Variants in YAP1 observed in about 807,000 individuals in gnomAD.
YAP1 encodes the protein transcriptional coactivator YAP1.
A neutral mutation model predicts 56.9 loss-of-function variants in YAP1; 5 were observed. That is an observed-to-expected ratio of 0.09 (90% CI 0.05 to 0.18). The LOEUF is 0.18. Among genes scored for constraint, YAP1 ranks in the 10% least tolerant of loss-of-function variants. YAP1 has a pLI of 1.00. For synonymous variants in YAP1, 265 were observed against 248.1 expected (o/e 1.07, Z -0.64); for missense variants, 539 against 651.8 (o/e 0.83, Z 1.88).
At chr11:102,198,367 G>A (rs1027861687) in intron 4 of YAP1, among the ~76,000 whole-genome samples, 2 of 152,102 alleles carry the variant, frequency 1.3e-5, no homozygotes, top group Non-Finnish European at 2.9e-5. Flanking sequence ...AGAAGCAAAG[G>A]ATATTTACCA....
chr11:102,223,848 G>C (rs1437663341), intron 7 of YAP1, 96 bp downstream of exon 7: 1 of 1,482,964 alleles, frequency 6.7e-7, no homozygotes, highest in African/African-American at 1.4e-5. Context: ...GAACATCTGT[G>C]TGGGCCAAAA....
intron 2 of YAP1, among the ~76,000 whole-genome samples, chr11:102,149,090 C>G (rs1241190118): frequency 6.6e-6 from 1 of 152,134 alleles, no homozygotes; most frequent in African/African-American, 2.4e-5. Flanking sequence ...ATATGAGTTC[C>G]TTTTGCTTAT....
At position 102,218,875 on chromosome 11, in the gene YAP1, G is replaced by A. The variant is rs751144229; in HGVS notation, c.1033-4747G>A. On this transcript the variant is annotated intron_variant, in intron 6 of 8. Coordinates refer to ENST00000282441, the MANE Select transcript of YAP1 (RefSeq NM_001130145.3). The stretch of plus-strand genomic sequence containing the variant: ...ATGAAGTAAAAAGTAAAAATTTCAC[G>A]GCTTTTAACAAACATAGTGGCCAAA... Among the ~76,000 whole-genome samples, 10 of 152,186 alleles carry A rather than the reference G, an allele frequency of 6.6e-5. No individual in the cohort carries two copies. The East Asian group carries it at 7.7e-4, about 12-fold the overall frequency.
At chr11:102,174,595 AT>A (rs748754585) in intron 3 of YAP1, among the ~76,000 whole-genome samples, 24 of 152,048 alleles carry the variant, frequency 1.6e-4, no homozygotes, top group Non-Finnish European at 2.9e-4. Flanking sequence ...AAAAAAAAAA[AT>A]CTATTATTTG....
intron 4 of YAP1, among the ~76,000 whole-genome samples, chr11:102,193,991 G>C (rs1565253858): frequency 6.6e-6 from 1 of 151,972 alleles, no homozygotes; most frequent in Non-Finnish European, 1.5e-5. Context: ...TATTTTAGTA[G>C]AGACAGGGTT....
intron 1 of YAP1, among the ~76,000 whole-genome samples, chr11:102,111,460 G>A (rs919859028): frequency 7.9e-5 from 12 of 151,482 alleles, no homozygotes; most frequent in Non-Finnish European, 1.5e-4. Context: ...CTTTCTTCCC[G>A]GGGTTCCCGA....
chr11:102,205,772 C>A, intron 4 of YAP1, 121 bp from the exon 5 acceptor site: 2 of 909,142 alleles, frequency 2.2e-6, no homozygotes, highest in South Asian at 2.7e-5. Context: ...AGGTTATTTC[C>A]AGTCTTCCTG....
At chr11:102,183,683 G>T (rs1947763864) in intron 3 of YAP1, among the ~76,000 whole-genome samples, 1 of 145,588 alleles carries the variant, frequency 6.9e-6, no homozygotes, top group Non-Finnish European at 1.5e-5. Context: ...GACAGCTAAG[G>T]TGGGGAATAA....
chr11:102,110,962 C>T lies in YAP1; in HGVS notation c.114C>T (p.Pro38=), dbSNP rs894717291. The change falls in exon 1 of 9, where the codon CCC becomes CCT. Residue 38 remains proline, a synonymous_variant. Transcript: ENST00000282441. The part of the protein sequence containing the change: ...GPPSGPGQPA[P]AATQAAPQAP... Reference sequence around the variant, plus strand: ...CGTCCGGACCCGGGCAACCGGCACCCGCGGCGACCCAGGCGGCGCCGCAGG... The same window carrying T: ...CGTCCGGACCCGGGCAACCGGCACCTGCGGCGACCCAGGCGGCGCCGCAGG... The T allele has an allele frequency of 1.3e-6, 2 of 1,513,676 alleles. No homozygotes were observed. Among genetic ancestry groups the T allele is most frequent in the African/African-American group, 1.5e-5 (1 of 68,648 alleles). 93.8% of individuals were successfully genotyped at this position (1,513,676 alleles called of 1,614,324 possible). A position where few individuals can be genotyped will look rare whatever the true frequency, so the allele number is the denominator to read the frequency against.
chr11:102,171,417 A>G (rs1946891493), intron 3 of YAP1, among the ~76,000 whole-genome samples: 2 of 152,226 alleles, frequency 1.3e-5, no homozygotes, highest in Admixed American at 6.5e-5. Context: ...GTTTTCCAAA[A>G]TAAGGTTTTC....
intron 4 of YAP1, among the ~76,000 whole-genome samples, chr11:102,194,252 AAAAG>A (rs760810538): frequency 6.6e-6 from 1 of 152,212 alleles, no homozygotes; most frequent in Admixed American, 6.5e-5. Flanking sequence ...AGATGTAAGA[AAAAG>A]AAAGAGATTA....
In YAP1 at chr11:102,227,542, C is replaced by T; in HGVS notation, c.1237C>T (p.Pro413Ser). Residue 413 changes from proline to serine, a missense_variant, in exon 8 of 9, where the codon CCA becomes TCA. Transcript: ENST00000282441. ...SMSSYSVPRT[P>S]DDFLNSVDEM... is the part of the protein sequence containing the mutation. ...GAGCAGCTACAGTGTCCCTCGAACC[C>T]CAGATGACTTCCTGAACAGTGTGGA... 1 of 1,613,902 alleles carries T rather than the reference C, an allele frequency of 6.2e-7. No homozygotes were observed. Among genetic ancestry groups the T allele is most frequent in the Non-Finnish European group, 8.5e-7 (1 of 1,179,964 alleles).
intron 2 of YAP1, among the ~76,000 whole-genome samples, chr11:102,150,239 T>C (rs10895265): frequency 0.63 from 95,718 of 151,686 alleles, 30,608 homozygotes; most frequent in South Asian, 0.76. Flanking sequence ...CCGCCTCGGC[T>C]TCCCAAAGTG....
intron 3 of YAP1, among the ~76,000 whole-genome samples, chr11:102,169,271 A>G (rs1403151966): frequency 6.6e-6 from 1 of 152,210 alleles, no homozygotes; most frequent in East Asian, 1.9e-4. Context: ...AATAAATGTG[A>G]TCTGATATTT....
intron 2 of YAP1, among the ~76,000 whole-genome samples, chr11:102,146,145 C>T (rs950713541): frequency 2.6e-5 from 4 of 152,062 alleles, no homozygotes; most frequent in African/African-American, 9.7e-5. Context: ...ATAGCCTGGC[C>T]CCATATCACC....
intron 2 of YAP1, among the ~76,000 whole-genome samples, chr11:102,160,412 G>T (rs1382444918): frequency 6.6e-6 from 1 of 152,166 alleles, no homozygotes; most frequent in Non-Finnish European, 1.5e-5. Context: ...CTCTTTACCA[G>T]TGCTATCAGT....
At chr11:102,153,041 G>A (rs1224727896) in intron 2 of YAP1, among the ~76,000 whole-genome samples, 1 of 152,206 alleles carries the variant, frequency 6.6e-6, no homozygotes, top group Non-Finnish European at 1.5e-5. Context: ...GAGACATGAC[G>A]TAGTGATCTA....
At chr11:102,142,631 C>T (rs1323422204) in intron 2 of YAP1, among the ~76,000 whole-genome samples, 2 of 152,192 alleles carry the variant, frequency 1.3e-5, no homozygotes, top group African/African-American at 4.8e-5. Flanking sequence ...TAGTTTTAGA[C>T]TGTTTTGATT....
intron 4 of YAP1, among the ~76,000 whole-genome samples, chr11:102,196,764 T>C (rs1448569052): frequency 1.3e-5 from 2 of 152,032 alleles, no homozygotes; most frequent in African/African-American, 4.8e-5. Flanking sequence ...GAGAAAAAAT[T>C]ATTTCTAGGC....
Sources: gnomAD v4.1 joint callset for allele counts (sites outside exome capture counted in the v4.1 genomes callset) on GRCh38, gnomAD v4.1.1 for gene constraint, MANE v1.5 for transcripts, NCBI Gene and HGNC (gene_info 2026-07-23, HGNC 2026-07-21) for gene names.